The following CTBP1 variants were observed in gnomAD, a reference collection of about 807,000 sequenced individuals.
CTBP1 encodes the protein C-terminal binding protein 1.
Under a neutral mutation model 42.1 loss-of-function variants are expected in CTBP1, and 11 were observed. That is an observed-to-expected ratio of 0.26 (90% CI 0.16 to 0.43). The LOEUF (loss-of-function observed/expected upper bound fraction) is 0.43. Among genes scored for constraint, CTBP1 ranks in the 20% least tolerant of loss-of-function variants. The pLI, the probability that CTBP1 is intolerant of heterozygous loss-of-function variation, is 1.00. For missense variants in CTBP1, 399 were observed against 624.3 expected, an observed-to-expected ratio of 0.64 and a Z score of 3.85; for synonymous variants, 324 against 277.1, an observed-to-expected ratio of 1.17 and a Z score of -1.68.
intron 8 of CTBP1, 156 bp from the exon 9 acceptor site, chr4:1,213,186 G>A: frequency 1.3e-6 from 1 of 756,586 alleles, no homozygotes; most frequent in Non-Finnish European, 2.2e-6. Flanking sequence ...TGTCTCTCTG[G>A]GCACTGGCAC....
chr4:1,230,302 G>A (rs150116080), intron 3 of CTBP1, among the ~76,000 whole-genome samples: 46 of 152,326 alleles, frequency 3.0e-4, no homozygotes, highest in Admixed American at 2.4e-3. Flanking sequence ...CGAGCGGTGC[G>A]GCCAGGAAGA....
rs770605876 is a variant in CTBP1, at chr4:1,238,336, G to A, written c.9C>T (p.Gly3=). ...GCCCGTTCATGATCGGAGGTCGGAC[G>A]CCTGCAAGACAGAGGCAAGTGCTCA... MS[G]VRPPIMNGPL... Residue 3 remains glycine (G), a splice_region_variant and synonymous_variant, in exon 3 of 10, where the codon GGC becomes GGT. Transcript: ENST00000382952. This position sits in a 1 kb window ranked among gnomAD's most constrained non-coding sequence, Gnocchi z 5.9. The A allele has an allele frequency of 5.8e-6, 9 of 1,562,142 alleles. No homozygotes were observed. The highest frequency in any genetic ancestry group is 2.7e-5 in the African/African-American group (2 of 73,894).
intron 4 of CTBP1, among the ~76,000 whole-genome samples, chr4:1,226,761 C>T (rs1237457066): frequency 6.6e-6 from 1 of 151,836 alleles, no homozygotes; most frequent in Non-Finnish European, 1.5e-5. Flanking sequence ...GCCGGCCCTT[C>T]CTGGGACGCC....
intron 1 of CTBP1, chr4:1,243,685 AGCTGGCCTCCTACGGCCTTCCTG>A: frequency 1.0e-6 from 1 of 985,420 alleles, no homozygotes; most frequent in Non-Finnish European, 1.2e-6. Context: ...CACGCCAGGG[AGCTGGCCTCCTACGGCCTTCCTG>A]GCTGGCCGGT....
At chr4:1,249,595 CA>C (rs1262454078), upstream of CTBP1, 1 of 371,140 alleles carries the variant, frequency 2.7e-6, no homozygotes, top group African/African-American at 2.2e-5. Flanking sequence ...CGAGGCTGGC[CA>C]GGGGCACCGA....
Position 1,214,203 on chromosome 4 carries a change from G to A in CTBP1, c.860+140C>T, listed in dbSNP as rs537101814. The A allele has an allele frequency of 2.8e-5, 32 of 1,159,726 alleles. No individual in the cohort carries two copies. In the South Asian group the frequency reaches 4.0e-4, roughly 14 times the overall value. The allele number at this position is 1,159,726 out of a possible 1,614,324, so 71.8% of individuals were successfully genotyped here. Reference sequence around the variant, plus strand: ...GCTCCATCCTCACCCCGCAGCGGGCGGCAAACTCCCCCACTGCTGGCCAGC... The same window carrying A: ...GCTCCATCCTCACCCCGCAGCGGGCAGCAAACTCCCCCACTGCTGGCCAGC... On this transcript the variant is annotated intron_variant, in intron 7 of 9. Transcript: ENST00000382952.
intron 3 of CTBP1, among the ~76,000 whole-genome samples, chr4:1,230,845 C>T (rs894900232): frequency 2.4e-4 from 36 of 152,368 alleles, no homozygotes; most frequent in African/African-American, 8.2e-4. Context: ...TAGGTAAGCT[C>T]GGAGAAGCCG....
At position 1,232,089 on chromosome 4, in the gene CTBP1, G is replaced by A. The variant is rs114377282; in HGVS notation, c.163-3746C>T. 2.4e-3 allele frequency among the ~76,000 whole-genome samples: 368 copies of A among 152,266 alleles called. 1 individual carries two copies. Among genetic ancestry groups the A allele is most frequent in the African/African-American group, 8.4e-3 (348 of 41,536 alleles). On this transcript the variant is annotated intron_variant, in intron 3 of 9. Coordinates refer to ENST00000382952, the MANE Select transcript of CTBP1 (RefSeq NM_001012614.2). ...TTACTTATTTTACAGACAGGACCTC[G>A]CTGGACTGCAGTGGTGTAATCATGA...
In CTBP1 at chr4:1,216,063, G is replaced by A. The variant is rs781701519; in HGVS notation, c.657C>T (p.Ser219=). The A allele has an allele frequency of 1.1e-5, 18 of 1,611,666 alleles. No individual in the cohort carries two copies. Among genetic ancestry groups the A allele is most frequent in the South Asian group, 1.1e-4 (10 of 90,988 alleles). The stretch of plus-strand genomic sequence containing the variant: ...GGCCGCAGTGCAGGGTCACGCAGTC[G>A]CTGTGGAAGAGCAGGTCCTGCAGGG... ...VSTLQDLLFH[S]DCVTLHCGLN... The change falls in exon 6 of 10, where the codon AGC becomes AGT. Residue 219 remains serine (S), a synonymous_variant. Transcript: ENST00000382952.
At chr4:1,248,762 G>A (rs1355805257) in intron 1 of CTBP1, 154 bp downstream of exon 1, 1 of 975,978 alleles carries the variant, frequency 1.0e-6, no homozygotes, top group Non-Finnish European at 1.2e-6. Flanking sequence ...CCCGACCGCG[G>A]CCACGCGCGG....
intron 6 of CTBP1, 122 bp from the exon 7 acceptor site, chr4:1,214,595 A>C (rs1301816026): frequency 1.0e-5 from 13 of 1,277,762 alleles, no homozygotes; most frequent in Non-Finnish European, 1.4e-5. Flanking sequence ...TCCCAGCCCC[A>C]CCCTGGGCTC....
chr4:1,238,419 G>A lies in CTBP1; in HGVS notation c.8-82C>T, dbSNP rs59130669. 99 of 1,453,474 alleles carry A rather than the reference G, an allele frequency of 6.8e-5. No individual in the cohort carries two copies. Among genetic ancestry groups the A allele is most frequent in the African/African-American group, 5.5e-4 (39 of 70,838 alleles). The allele number at this position is 1,453,474 out of a possible 1,614,324, so 90.0% of individuals were successfully genotyped here. ...CCACTCCACGCCACCCACTGTGCAC[G>A]GGCCAACGAGGGCCGACCGCCGGGG... On this transcript the variant is annotated intron_variant, in intron 2 of 9. Transcript: ENST00000382952. The surrounding 1 kb of genome is among the most constrained non-coding windows in gnomAD (Gnocchi z 5.9).
intron 3 of CTBP1, among the ~76,000 whole-genome samples, chr4:1,229,439 C>T (rs1456110680): frequency 3.3e-5 from 5 of 152,352 alleles, no homozygotes; most frequent in East Asian, 3.9e-4. Context: ...TCCGAGTCCC[C>T]GGAGACACCA....
In CTBP1 at chr4:1,212,154, C is replaced by A. The variant is rs1728602366; in HGVS notation, c.*86G>T. The A allele has an allele frequency of 2.5e-6, 3 of 1,200,902 alleles. No individual in the cohort carries two copies. Among genetic ancestry groups the A allele is most frequent in the Non-Finnish European group, 3.3e-6 (3 of 906,304 alleles). 74.4% of individuals were successfully genotyped at this position (1,200,902 alleles called of 1,614,324 possible). On this transcript the variant is annotated 3_prime_UTR_variant, in exon 10 of 10. Transcript: ENST00000382952. ...ACCAGTCTCTGCAGTGCCAGGGCCA[C>A]CACACAGATGCCTCCTCCACACACT...
chr4:1,232,550 G>A (rs1731066292), intron 3 of CTBP1, among the ~76,000 whole-genome samples: 1 of 152,124 alleles, frequency 6.6e-6, no homozygotes, highest in Admixed American at 6.5e-5. Flanking sequence ...GACCTCAAGT[G>A]ATCCACCCGC....
At chr4:1,229,730 G>A (rs1009850313) in intron 3 of CTBP1, among the ~76,000 whole-genome samples, 11 of 152,162 alleles carry the variant, frequency 7.2e-5, no homozygotes, top group African/African-American at 2.4e-4. Context: ...CAGCCCCCAG[G>A]AAGACGCTCA....
chr4:1,234,721 C>T (rs899263233), intron 3 of CTBP1: 3 of 152,212 alleles, frequency 2.0e-5, no homozygotes, highest in Admixed American at 2.0e-4. Flanking sequence ...CTTACGTGTG[C>T]ATCTTTAATA....
chr4:1,214,125 G>C (rs2108705118), intron 7 of CTBP1: 1 of 570,694 alleles, frequency 1.8e-6, no homozygotes, highest in South Asian at 2.6e-5. Context: ...GAAGGGCTGA[G>C]GAGGTTGAGC....
At chr4:1,243,601 A>C (rs1577079226) in intron 1 of CTBP1, 1 of 985,416 alleles carries the variant, frequency 1.0e-6, no homozygotes, top group Non-Finnish European at 1.2e-6. Context: ...GCCGGGCCAC[A>C]CCTGCCCCAC....
Sources: gnomAD v4.1 joint callset for allele counts (sites outside exome capture counted in the v4.1 genomes callset) on GRCh38, gnomAD v4.1.1 for gene constraint, Gnocchi (gnomAD v3.1) non-coding constraint, MANE v1.5 for transcripts, NCBI Gene and HGNC (gene_info 2026-07-23, HGNC 2026-07-21) for gene names.